NAA16: variants seen among roughly 807,000 people sequenced by gnomAD.
The protein encoded by NAA16 is NARG1-like protein.
A neutral mutation model predicts 110.3 loss-of-function variants in NAA16; 97 were observed. The observed-to-expected ratio is 0.88, with a 90% CI of 0.75 to 1.04. The LOEUF is 1.04. NAA16 is among the 50% of genes least tolerant of loss of function. The pLI, the probability that NAA16 is intolerant of heterozygous loss-of-function variation, is 0.00. For missense variants in NAA16, 1,017 were observed against 1,005.1 expected (o/e 1.01, Z -0.16); for synonymous variants, 372 against 330.6 (o/e 1.13, Z -1.36).
rs2041574714 is a variant in NAA16, at chr13:41,311,681, C to T, written c.54+99C>T. The T allele has an allele frequency of 1.1e-5, 12 of 1,086,662 alleles. 1 individual carries two copies. The South Asian group carries it at 1.4e-4, about 13-fold the overall frequency. The allele number at this position is 1,086,662 out of a possible 1,614,324, so 67.3% of individuals were successfully genotyped here. A position where few individuals can be genotyped will look rare whatever the true frequency, so the allele number is the denominator to read the frequency against. The stretch of plus-strand genomic sequence containing the variant: ...GCGGCCGGCGCGGGCCAGGCTTGGC[C>T]TCCGCTGCCCACCGCTCTTTGTTTA... On this transcript the variant is annotated intron_variant, in intron 1 of 19. Transcript: ENST00000379406.
At chr13:41,353,792 CACACACACA>C (rs1406471290) in intron 9 of NAA16, among the ~76,000 whole-genome samples, 21 of 151,860 alleles carry the variant, frequency 1.4e-4, no homozygotes, top group African/African-American at 3.9e-4. Flanking sequence ...CACACACACA[CACACACACA>C]CCCCAAAACA....
chr13:41,333,279 A>G (rs1014002343), intron 8 of NAA16, among the ~76,000 whole-genome samples: 2 of 152,122 alleles, frequency 1.3e-5, no homozygotes, highest in African/African-American at 4.8e-5. Flanking sequence ...TTGAAATATA[A>G]TCCATATACC....
At chr13:41,351,728 A>G (rs1208840777) in intron 9 of NAA16, among the ~76,000 whole-genome samples, 1 of 151,996 alleles carries the variant, frequency 6.6e-6, no homozygotes. Context: ...AAAGTAAACC[A>G]GGAGAAGGTG....
chr13:41,328,486 A>G (rs938154266), intron 6 of NAA16, among the ~76,000 whole-genome samples: 2 of 152,152 alleles, frequency 1.3e-5, no homozygotes, highest in Admixed American at 6.6e-5. Flanking sequence ...TTACTAACAA[A>G]TTAATGTCCT....
In NAA16 at chr13:41,323,116, G is replaced by A; in HGVS notation, c.463G>A (p.Ala155Thr). The A allele has an allele frequency of 4.3e-6, 7 of 1,613,898 alleles. No homozygotes were observed. Among genetic ancestry groups the A allele is most frequent in the Non-Finnish European group, 5.9e-6 (7 of 1,179,824 alleles). The change falls in exon 5 of 20, where the codon GCT (alanine) becomes ACT (threonine). Residue 155 changes from alanine (A) to threonine (T), a missense_variant. Coordinates refer to ENST00000379406, the MANE Select transcript of NAA16 (RefSeq NM_024561.5). Reference protein sequence around the residue: ...PTQRASWIGYAIAYHLLKDYD... With the variant: ...PTQRASWIGYTIAYHLLKDYD... ...ACAGCGTGCCTCCTGGATTGGATAT[G>A]CTATTGCATACCATTTGCTGAAAGA...
At chr13:41,323,937 T>A (rs2042016732) in intron 5 of NAA16, among the ~76,000 whole-genome samples, 1 of 152,224 alleles carries the variant, frequency 6.6e-6, no homozygotes, top group Non-Finnish European at 1.5e-5. Flanking sequence ...CTTGACCCTG[T>A]CTGGAGTTTT....
At chr13:41,323,578 T>C (rs937315561) in intron 5 of NAA16, among the ~76,000 whole-genome samples, 7 of 151,502 alleles carry the variant, frequency 4.6e-5, no homozygotes, top group African/African-American at 1.7e-4. Flanking sequence ...GGTCTCGATC[T>C]TCCGACCTCG....
intron 9 of NAA16, among the ~76,000 whole-genome samples, chr13:41,346,531 T>C (rs528429518): frequency 6.6e-6 from 1 of 152,166 alleles, no homozygotes; most frequent in African/African-American, 2.4e-5. Context: ...AGGGGAAGGA[T>C]TAGGCTACTG....
At chr13:41,353,570 G>T (rs2139479203) in intron 9 of NAA16, among the ~76,000 whole-genome samples, 1 of 147,040 alleles carries the variant, frequency 6.8e-6, no homozygotes, top group East Asian at 2.0e-4. Flanking sequence ...TTCCAGACAA[G>T]CCTAGGCAAT....
At chr13:41,370,963 A>C (rs7328049) in intron 15 of NAA16, among the ~76,000 whole-genome samples, 111 of 152,332 alleles carry the variant, frequency 7.3e-4, no homozygotes, top group African/African-American at 2.6e-3. Flanking sequence ...TGAAACAATA[A>C]ATCCCTGCTG....
chr13:41,323,648 G>A (rs1316898630), intron 5 of NAA16, among the ~76,000 whole-genome samples: 1 of 151,406 alleles, frequency 6.6e-6, no homozygotes, highest in Non-Finnish European at 1.5e-5. Context: ...CACCGCGCCC[G>A]GCCATTTTTT....
chr13:41,366,667 A>G (rs963218475), intron 13 of NAA16, among the ~76,000 whole-genome samples: 3 of 152,298 alleles, frequency 2.0e-5, no homozygotes, highest in Middle Eastern at 3.4e-3. Flanking sequence ...GCTTGTTTAT[A>G]CATAGACTCC....
At chr13:41,362,810 T>C in intron 13 of NAA16, 1 of 1,289,604 alleles carries the variant, frequency 7.8e-7, no homozygotes, top group Non-Finnish European at 1.0e-6. Flanking sequence ...CCCTCAGTTG[T>C]GGGGGCAATC....
chr13:41,323,904 C>T (rs554998754), intron 5 of NAA16, among the ~76,000 whole-genome samples: 4 of 152,172 alleles, frequency 2.6e-5, no homozygotes, highest in Non-Finnish European at 5.9e-5. Context: ...TTCCACTCCT[C>T]TGTTTATCTG....
At chr13:41,356,991 A>G (rs1326506752) in intron 10 of NAA16, among the ~76,000 whole-genome samples, 1 of 152,136 alleles carries the variant, frequency 6.6e-6, no homozygotes, top group African/African-American at 2.4e-5. Flanking sequence ...ATAAAGATTC[A>G]GATGTTGTCA....
In NAA16 at chr13:41,375,615, A is replaced by G. The variant is rs1407558360; in HGVS notation, c.*13A>G. 6.2e-7 allele frequency: 1 copy of G among 1,604,110 alleles called. No homozygotes were observed. Among genetic ancestry groups the G allele is most frequent in the East Asian group, 2.2e-5 (1 of 44,794 alleles). On this transcript the variant is annotated 3_prime_UTR_variant, in exon 20 of 20. Coordinates refer to ENST00000379406, the MANE Select transcript of NAA16 (RefSeq NM_024561.5). ...AAATGAAATTTGAAATCTTCTAGAA[A>G]GTAGACTCCTATAGACTCAAAGCTG... is the stretch of plus-strand genomic sequence containing the variant.
Position 41,346,120 on chromosome 13 carries a change from A to G in NAA16, c.1015-9024A>G, listed in dbSNP as rs116997754. Among the ~76,000 whole-genome samples, 481 of 152,326 alleles carry G rather than the reference A, an allele frequency of 3.2e-3. 4 individuals carry two copies. Among genetic ancestry groups the G allele is most frequent in the East Asian group, 0.026 (136 of 5,188 alleles). ...AGATTTATAAACATGTTTACTTGTA[A>G]GAGTTTGCATTGAGGCATTCACTCT... On this transcript the variant is annotated intron_variant, in intron 9 of 19. Coordinates refer to ENST00000379406, the MANE Select transcript of NAA16 (RefSeq NM_024561.5).
At chr13:41,344,145 CTCAG>C in intron 9 of NAA16, among the ~76,000 whole-genome samples, 1 of 152,250 alleles carries the variant, frequency 6.6e-6, no homozygotes, top group South Asian at 2.1e-4. Context: ...ATTTTCTTCT[CTCAG>C]AGTCATTCAG....
At chr13:41,371,564 T>C (rs748750266) in intron 15 of NAA16, among the ~76,000 whole-genome samples, 9 of 152,160 alleles carry the variant, frequency 5.9e-5, no homozygotes, top group Non-Finnish European at 1.3e-4. Flanking sequence ...GTAGCAAATA[T>C]ATTTTCTCTT....
Sources: allele counts gnomAD v4.1 joint callset (sites outside exome capture counted in the v4.1 genomes callset), GRCh38; gene constraint gnomAD v4.1.1; transcripts MANE v1.5; gene names NCBI Gene and HGNC (gene_info 2026-07-23, HGNC 2026-07-21).